ATP2B2: variants seen among roughly 807,000 people sequenced by gnomAD.
The protein encoded by ATP2B2 is ATPase plasma membrane Ca2+ transporting 2, also known as plasma membrane calcium-transporting ATPase 2.
ATP2B2 carries 15 observed loss-of-function variants against 120.0 expected under a neutral mutation model. The observed-to-expected ratio is 0.12, with a 90% CI of 0.08 to 0.19. ATP2B2 has a LOEUF of 0.19. Among genes scored for constraint, ATP2B2 ranks in the 10% least tolerant of loss-of-function variants. ATP2B2 has a pLI of 1.00. For missense variants in ATP2B2, 1,045 were observed against 1,719.8 expected (o/e 0.61, Z 6.94); for synonymous variants, 694 against 700.3 (o/e 0.99, Z 0.14).
rs536427141 is a variant in ATP2B2, at chr3:10,580,912, G to A, written c.-415+39005C>T. ...TTATATAGCAAAGTTGAATCATTGC[G>A]ACAGAAGTCATCTAACTTGCAAGGC... is the stretch of plus-strand genomic sequence containing the variant. On this transcript the variant is annotated intron_variant, in intron 2 of 21. Transcript: ENST00000646379. Among the ~76,000 whole-genome samples, 15 of 152,280 alleles carry A rather than the reference G, an allele frequency of 9.9e-5. 1 individual carries two copies. The East Asian group carries it at 2.1e-3, about 22-fold the overall frequency.
chr3:10,692,911 C>A (rs1453634089), intron 1 of ATP2B2, among the ~76,000 whole-genome samples: 1 of 152,144 alleles, frequency 6.6e-6, no homozygotes, highest in East Asian at 1.9e-4. Flanking sequence ...GTGACTGGGC[C>A]TTACTCACTG....
rs370115189 is a variant in ATP2B2 at position 10,641,906 on chromosome 3, C to A, written c.-459-21945G>T. On this transcript the variant is annotated intron_variant, in intron 1 of 21. Transcript: ENST00000646379. ...CCCATCCATCCATTCACCCATCCAT[C>A]CATCATCCACCCATCCATCCATTCA... 9.2e-5 allele frequency among the ~76,000 whole-genome samples: 14 copies of A among 152,110 alleles called. No homozygotes were observed. In the South Asian group the frequency reaches 1.2e-3, roughly 14 times the overall value.
At chr3:10,428,912 G>A (rs1559326901) in intron 2 of ATP2B2, among the ~76,000 whole-genome samples, 1 of 152,206 alleles carries the variant, frequency 6.6e-6, no homozygotes, top group African/African-American at 2.4e-5. Flanking sequence ...TCTCAGCTGT[G>A]AGAGTGAGGA....
At chr3:10,498,944 T>TA (rs942536689) in intron 1 of ATP2B2, among the ~76,000 whole-genome samples, 3 of 152,198 alleles carry the variant, frequency 2.0e-5, no homozygotes, top group Non-Finnish European at 4.4e-5. Flanking sequence ...CCTGGCATGA[T>TA]GAGGGTTCCA....
chr3:10,368,299 G>C (rs2061125559), intron 12 of ATP2B2, among the ~76,000 whole-genome samples: 1 of 152,108 alleles, frequency 6.6e-6, no homozygotes, highest in South Asian at 2.1e-4. Context: ...GAGGTAGTGA[G>C]AGAGCACTGG....
At chr3:10,552,730 T>C (rs1014856917) in intron 2 of ATP2B2, among the ~76,000 whole-genome samples, 1 of 152,210 alleles carries the variant, frequency 6.6e-6, no homozygotes, top group Non-Finnish European at 1.5e-5. Context: ...CCAAGATGTG[T>C]TCCCTGTGCT....
intron 1 of ATP2B2, among the ~76,000 whole-genome samples, chr3:10,659,168 AG>A (rs2070715821): frequency 6.6e-6 from 1 of 152,226 alleles, no homozygotes; most frequent in African/African-American, 2.4e-5. Context: ...CATCGATGCT[AG>A]GAAGAAACTG....
At chr3:10,662,187 T>G (rs940498770) in intron 1 of ATP2B2, among the ~76,000 whole-genome samples, 2 of 151,460 alleles carry the variant, frequency 1.3e-5, no homozygotes, top group Non-Finnish European at 3.0e-5. Context: ...GACATAGGCA[T>G]AGGCATGTCT....
intron 2 of ATP2B2, among the ~76,000 whole-genome samples, chr3:10,446,178 C>T (rs965658514): frequency 1.3e-5 from 2 of 152,180 alleles, no homozygotes; most frequent in African/African-American, 4.8e-5. Context: ...GCATAACAGC[C>T]TTGTACAAAG....
intron 2 of ATP2B2, among the ~76,000 whole-genome samples, chr3:10,552,116 T>C (rs1290736029): frequency 2.0e-5 from 3 of 152,180 alleles, no homozygotes; most frequent in Non-Finnish European, 4.4e-5. Context: ...TGTGGCAGCA[T>C]TTCTGCAGCC....
At chr3:10,572,034 C>G (rs2068139841) in intron 2 of ATP2B2, among the ~76,000 whole-genome samples, 1 of 152,188 alleles carries the variant, frequency 6.6e-6, no homozygotes, top group Non-Finnish European at 1.5e-5. Context: ...CAAGGTGTGC[C>G]AAGTTGGAAT....
At chr3:10,544,528 T>G (rs1045725795) in intron 2 of ATP2B2, among the ~76,000 whole-genome samples, 1 of 152,228 alleles carries the variant, frequency 6.6e-6, no homozygotes, top group African/African-American at 2.4e-5. Context: ...TGATGAGCTC[T>G]TTTTAATAAC....
At chr3:10,594,913 G>A (rs36035636) in intron 2 of ATP2B2, among the ~76,000 whole-genome samples, 5,978 of 147,668 alleles carry the variant, frequency 0.04, 177 homozygotes, top group South Asian at 0.11. Context: ...CTGGTTAGAG[G>A]TTTTAACTTA....
chr3:10,493,505 A>G (rs2066014353), intron 1 of ATP2B2, among the ~76,000 whole-genome samples: 1 of 152,304 alleles, frequency 6.6e-6, no homozygotes, highest in Admixed American at 6.5e-5. Flanking sequence ...TACAGGCTGC[A>G]GAAAGGAGTC....
At chr3:10,609,346 A>G (rs1272335522) in intron 2 of ATP2B2, among the ~76,000 whole-genome samples, 2 of 152,204 alleles carry the variant, frequency 1.3e-5, no homozygotes, top group African/African-American at 4.8e-5. Flanking sequence ...CCGCTGCTGC[A>G]GAGCCCACAG....
At chr3:10,585,893 A>G (rs1312776363) in intron 2 of ATP2B2, among the ~76,000 whole-genome samples, 2 of 152,166 alleles carry the variant, frequency 1.3e-5, no homozygotes, top group Non-Finnish European at 2.9e-5. Flanking sequence ...TCACTAGAAT[A>G]TAAGCTACAT....
At chr3:10,642,760 G>A (rs2070209544) in intron 1 of ATP2B2, among the ~76,000 whole-genome samples, 1 of 151,836 alleles carries the variant, frequency 6.6e-6, no homozygotes, top group African/African-American at 2.4e-5. Context: ...ATGGTGGGCT[G>A]GATGTTTCAT....
rs528494210 is a variant in ATP2B2, at chr3:10,676,222, A to G, written c.-460+31693T>C. Among the ~76,000 whole-genome samples, 22 of 152,294 alleles carry G rather than the reference A, an allele frequency of 1.4e-4. No individual in the cohort carries two copies. In the East Asian group the frequency reaches 4.2e-3, roughly 29 times the overall value. On this transcript the variant is annotated intron_variant, in intron 1 of 21. Coordinates refer to the ATP2B2 transcript ENST00000646379. ...GAGAGCAGGATAAAAGCAGGACCCC[A>G]GTCTCTGGAACTTGGTTTGGACCTC... is the stretch of plus-strand genomic sequence containing the variant.
chr3:10,500,028 C>A (rs896239448), intron 1 of ATP2B2, among the ~76,000 whole-genome samples: 1 of 151,348 alleles, frequency 6.6e-6, no homozygotes, highest in Non-Finnish European at 1.5e-5. Flanking sequence ...CTCCACCTCC[C>A]AGGATCAAAT....
Sources: gnomAD v4.1 joint callset for allele counts (sites outside exome capture counted in the v4.1 genomes callset) on GRCh38, gnomAD v4.1.1 for gene constraint, MANE v1.5 for transcripts, NCBI Gene and HGNC (gene_info 2026-07-23, HGNC 2026-07-21) for gene names.